Variants in ITGB3BP observed in about 807,000 individuals in gnomAD.
ITGB3BP encodes the protein centromere protein R.
Under a neutral mutation model 29.1 loss-of-function variants are expected in ITGB3BP, and 27 were observed. The ratio of observed to expected loss-of-function variants is 0.93; its 90% CI spans 0.68 to 1.28. The LOEUF is 1.28. Among genes scored for constraint, ITGB3BP ranks in the 50% most tolerant of loss-of-function variants. The pLI is 0.00. For synonymous variants in ITGB3BP, 61 were observed against 61.4 expected (o/e 0.99, Z 0.03); for missense variants, 192 against 200.2 (o/e 0.96, Z 0.25).
At position 63,443,446 on chromosome 1, in the gene ITGB3BP, G is replaced by A. The variant is rs1330309323; in HGVS notation, c.*2-2343C>T. On this transcript the variant is annotated intron_variant, in intron 8 of 8. Coordinates refer to ENST00000271002, the MANE Select transcript of ITGB3BP (RefSeq NM_014288.5). ...AAGGACATGAGAAAGGCACTTTCTG[G>A]GGAAGGTGTCTGAGAAATGGCAAGT... 4.6e-5 allele frequency among the ~76,000 whole-genome samples: 7 copies of A among 152,146 alleles called. No individual in the cohort carries two copies. In the South Asian group the frequency reaches 1.5e-3, roughly 32 times the overall value.
At chr1:63,487,986 T>G (rs887879958) in intron 3 of ITGB3BP, among the ~76,000 whole-genome samples, 1 of 152,130 alleles carries the variant, frequency 6.6e-6, no homozygotes, top group African/African-American at 2.4e-5. Context: ...GAAATGTTAT[T>G]ATGTGCTGCA....
intron 1 of ITGB3BP, among the ~76,000 whole-genome samples, chr1:63,515,376 C>T (rs747606643): frequency 6.6e-6 from 1 of 152,086 alleles, no homozygotes; most frequent in South Asian, 2.1e-4. Flanking sequence ...GAGTTCATTA[C>T]CAACACTTTA....
intron 3 of ITGB3BP, among the ~76,000 whole-genome samples, chr1:63,485,572 A>T (rs11808230): frequency 1.3e-5 from 2 of 151,860 alleles, no homozygotes; most frequent in Non-Finnish European, 2.9e-5. Context: ...TCACTTTTTC[A>T]TCATTGCTTT....
chr1:63,462,406 T>C (rs1217756467), intron 4 of ITGB3BP, among the ~76,000 whole-genome samples: 2 of 152,232 alleles, frequency 1.3e-5, no homozygotes, highest in Admixed American at 6.5e-5. Context: ...AATCATCTTG[T>C]CTTCAAATAA....
At chr1:63,453,494 T>A (rs556048371) in intron 7 of ITGB3BP, 2 of 158,066 alleles carry the variant, frequency 1.3e-5, no homozygotes, top group African/African-American at 4.8e-5. Context: ...TAAGAGTTCA[T>A]AGTAGAACAA....
intron 1 of ITGB3BP, chr1:63,510,105 G>A (rs1258542543): frequency 1.6e-5 from 10 of 632,836 alleles, no homozygotes; most frequent in Admixed American, 6.6e-5. Flanking sequence ...CAGGAGAATC[G>A]CTTGAACGCG....
intron 2 of ITGB3BP, among the ~76,000 whole-genome samples, chr1:63,503,788 G>A (rs952988195): frequency 2.0e-5 from 3 of 152,026 alleles, no homozygotes; most frequent in Non-Finnish European, 2.9e-5. Flanking sequence ...CCCATTTCTC[G>A]TTTTTGTCAG....
intron 4 of ITGB3BP, among the ~76,000 whole-genome samples, chr1:63,471,130 C>A (rs1164607803): frequency 6.6e-6 from 1 of 152,194 alleles, no homozygotes; most frequent in Non-Finnish European, 1.5e-5. Context: ...CAAATCTTTT[C>A]ACGCTGGGCT....
intron 4 of ITGB3BP, among the ~76,000 whole-genome samples, chr1:63,474,378 AC>A (rs1169363047): frequency 6.7e-6 from 1 of 149,078 alleles, no homozygotes; most frequent in African/African-American, 2.4e-5. Flanking sequence ...CCCGGCCACG[AC>A]CCCGTCTGGG....
At chr1:63,482,049 G>C (rs942360692) in intron 3 of ITGB3BP, among the ~76,000 whole-genome samples, 50 of 152,026 alleles carry the variant, frequency 3.3e-4, no homozygotes, top group African/African-American at 1.1e-3. Flanking sequence ...GAGGCAGGTG[G>C]ATTGCCTGAG....
At chr1:63,456,915 CTG>C (rs1273374013) in intron 4 of ITGB3BP, among the ~76,000 whole-genome samples, 2 of 152,178 alleles carry the variant, frequency 1.3e-5, no homozygotes, top group African/African-American at 4.8e-5. Context: ...CTAAAACAAA[CTG>C]TTTTAACAAT....
chr1:63,499,247 C>T (rs749348436), intron 2 of ITGB3BP, among the ~76,000 whole-genome samples: 2 of 150,692 alleles, frequency 1.3e-5, no homozygotes, highest in Non-Finnish European at 2.9e-5. Flanking sequence ...CCGCAACCTC[C>T]GTATCCCGGG....
chr1:63,508,176 T>C (rs1570308450), intron 2 of ITGB3BP, among the ~76,000 whole-genome samples: 1 of 152,316 alleles, frequency 6.6e-6, no homozygotes, highest in East Asian at 1.9e-4. Context: ...GATTATAGTA[T>C]GCAGATTAAA....
intron 2 of ITGB3BP, among the ~76,000 whole-genome samples, chr1:63,499,998 C>T (rs1645884705): frequency 6.6e-6 from 1 of 151,996 alleles, no homozygotes; most frequent in Non-Finnish European, 1.5e-5. Flanking sequence ...AAGCAATGGG[C>T]ACGAAAAAGA....
chr1:63,443,875 G>A (rs1486983007), intron 8 of ITGB3BP, among the ~76,000 whole-genome samples: 1 of 132,442 alleles, frequency 7.6e-6, no homozygotes, highest in Non-Finnish European at 1.7e-5. Context: ...GATGAAATCA[G>A]TATACTTGGG....
At chr1:63,499,775 C>G (rs1442793497) in intron 2 of ITGB3BP, among the ~76,000 whole-genome samples, 2 of 152,030 alleles carry the variant, frequency 1.3e-5, no homozygotes, top group African/African-American at 2.4e-5. Context: ...AAGTAACTGA[C>G]AAAAATCTAA....
At chr1:63,507,577 C>T (rs1376265432) in intron 2 of ITGB3BP, among the ~76,000 whole-genome samples, 1 of 152,180 alleles carries the variant, frequency 6.6e-6, no homozygotes. Context: ...ACAGTCACAG[C>T]TGCATTCTGC....
intron 2 of ITGB3BP, among the ~76,000 whole-genome samples, chr1:63,506,724 C>T (rs1646089136): frequency 6.6e-6 from 1 of 152,162 alleles, no homozygotes; most frequent in African/African-American, 2.4e-5. Flanking sequence ...GAACAGGCTC[C>T]ACTTCAACCA....
At chr1:63,458,606 T>A (rs1176264362) in intron 4 of ITGB3BP, among the ~76,000 whole-genome samples, 1 of 151,940 alleles carries the variant, frequency 6.6e-6, no homozygotes, top group Non-Finnish European at 1.5e-5. Flanking sequence ...GGAAGAAGAG[T>A]GAAACCCTGT....
Sources: gnomAD v4.1 joint callset for allele counts (sites outside exome capture counted in the v4.1 genomes callset) on GRCh38, gnomAD v4.1.1 for gene constraint, MANE v1.5 for transcripts, NCBI Gene and HGNC (gene_info 2026-07-23, HGNC 2026-07-21) for gene names.